ENAH: variants seen among roughly 807,000 people sequenced by gnomAD.
The protein encoded by ENAH is protein enabled homolog.
Under a neutral mutation model 78.7 loss-of-function variants are expected in ENAH, and 23 were observed. The observed-to-expected ratio is 0.29, with a 90% CI of 0.21 to 0.41. The LOEUF (loss-of-function observed/expected upper bound fraction) is 0.41, where lower values mean the gene tolerates loss of function less well. Ranked by LOEUF, ENAH falls within the 10% of genes least tolerant of loss-of-function variation. The pLI is 1.00. For missense variants in ENAH, 544 were observed against 691.0 expected, an observed-to-expected ratio of 0.79 and a Z score of 2.39; for synonymous variants, 226 against 241.0, an observed-to-expected ratio of 0.94 and a Z score of 0.58.
intron 6 of ENAH, 63 bp from the exon 7 acceptor site, chr1:225,514,963 G>T: frequency 7.4e-7 from 1 of 1,351,782 alleles, no homozygotes; most frequent in Non-Finnish European, 1.0e-6. Context: ...TATTTTATGT[G>T]GGAAGGTACG....
intron 11 of ENAH, among the ~76,000 whole-genome samples, chr1:225,507,156 A>G (rs997697998): frequency 8.5e-5 from 13 of 152,174 alleles, no homozygotes; most frequent in African/African-American, 2.9e-4. Flanking sequence ...ACTTGTAGAA[A>G]CAAGTATTAA....
At position 225,617,067 on chromosome 1, in the gene ENAH, C is replaced by A. The variant is rs571891656; in HGVS notation, c.5+35619G>T. 4.0e-4 allele frequency among the ~76,000 whole-genome samples: 60 copies of A among 151,746 alleles called. No homozygotes were observed. In the South Asian group the frequency reaches 0.012, roughly 31 times the overall value. ...TGAGCCAAGATCATGCCACTGCACTCCAGCCGGGGCAACACAGCAAGGCTC... is the reference window on the plus strand; with the variant it reads ...TGAGCCAAGATCATGCCACTGCACTACAGCCGGGGCAACACAGCAAGGCTC... On this transcript the variant is annotated intron_variant, in intron 1 of 13. Coordinates refer to ENST00000366843, the MANE Select transcript of ENAH (RefSeq NM_018212.6).
At chr1:225,609,473 G>A (rs1178205960) in intron 1 of ENAH, among the ~76,000 whole-genome samples, 1 of 151,992 alleles carries the variant, frequency 6.6e-6, no homozygotes, top group African/African-American at 2.4e-5. Flanking sequence ...GTGGGGAGGA[G>A]AATGTAAAAC....
intron 4 of ENAH, among the ~76,000 whole-genome samples, chr1:225,521,917 TCC>T (rs1270362943): frequency 6.6e-6 from 1 of 151,994 alleles, no homozygotes; most frequent in African/African-American, 2.4e-5. Context: ...TGCCTCAGCC[TCC>T]CGAGTAGCTG....
intron 1 of ENAH, among the ~76,000 whole-genome samples, chr1:225,598,897 T>C (rs2147979275): frequency 1.3e-5 from 2 of 151,098 alleles, no homozygotes; most frequent in East Asian, 3.9e-4. Context: ...TTAGGGAGTG[T>C]TAGTTATTCA....
intron 1 of ENAH, among the ~76,000 whole-genome samples, chr1:225,632,626 A>G (rs1021067649): frequency 1.3e-5 from 2 of 152,234 alleles, no homozygotes; most frequent in African/African-American, 4.8e-5. Flanking sequence ...AGCACATTAT[A>G]TTTGCAAGCT....
At chr1:225,653,699 G>T (rs1052469345), upstream of ENAH, among the ~76,000 whole-genome samples, 1 of 152,192 alleles carries the variant, frequency 6.6e-6, no homozygotes, top group Non-Finnish European at 1.5e-5. The surrounding 1 kb of genome is among the most constrained non-coding windows in gnomAD (Gnocchi z 4.3). Context: ...CGGGGCGAGT[G>T]CTCAGCCCGC....
chr1:225,649,397 TAA>T (rs563257956), intron 1 of ENAH, among the ~76,000 whole-genome samples: 33 of 142,538 alleles, frequency 2.3e-4, no homozygotes, highest in South Asian at 4.4e-4. Flanking sequence ...CTCTTTCAGT[TAA>T]AAAAAAAAAA....
intron 1 of ENAH, among the ~76,000 whole-genome samples, chr1:225,588,180 GAAGA>G (rs1168440375): frequency 6.6e-6 from 1 of 152,062 alleles, no homozygotes; most frequent in Non-Finnish European, 1.5e-5. Flanking sequence ...GCTGTTACAG[GAAGA>G]AAGAGAGGGA....
At chr1:225,535,335 G>A (rs1414266313) in intron 3 of ENAH, among the ~76,000 whole-genome samples, 3 of 152,120 alleles carry the variant, frequency 2.0e-5, no homozygotes, top group Non-Finnish European at 2.9e-5. Flanking sequence ...ACTCAAAGCT[G>A]ACCAAATCAC....
chr1:225,535,921 G>A (rs1469892516), intron 3 of ENAH, among the ~76,000 whole-genome samples: 1 of 152,004 alleles, frequency 6.6e-6, no homozygotes, highest in Non-Finnish European at 1.5e-5. Flanking sequence ...CAAGATCTGT[G>A]GCTATTAGTG....
At chr1:225,541,416 C>T (rs1195455257) in intron 3 of ENAH, among the ~76,000 whole-genome samples, 1 of 151,698 alleles carries the variant, frequency 6.6e-6, no homozygotes, top group African/African-American at 2.4e-5. Flanking sequence ...GCCCGGGCGA[C>T]AGAGTGAGAC....
At chr1:225,519,132 T>TA in intron 5 of ENAH, 66 bp downstream of exon 5, 1 of 1,560,586 alleles carries the variant, frequency 6.4e-7, no homozygotes, top group Non-Finnish European at 8.7e-7. Context: ...TTTTAACACA[T>TA]GACTGCACAA....
rs139773212 is a variant in ENAH at position 225,512,916 on chromosome 1, C to A, written c.1319G>T (p.Gly440Val). ...CATTTCTTCCATTAAACCACTACCC[C>A]CTAAAGGAAGGGGTCCATTTCCACG... is the stretch of plus-strand genomic sequence containing the variant. ...TGRGNGPLPL[G>V]GSGLMEEMSA... The change falls in exon 8 of 14, where the codon GGG becomes GTG. Residue 440 changes from glycine (G) to valine (V), a missense_variant. By Grantham distance (109) the Gly-to-Val change is moderately radical (BLOSUM62 -3). Around this residue, in one of 4 missense-constraint regions of ENAH, gnomAD observed 366 missense variants for 396.1 expected, o/e 0.92. Transcript: ENST00000366843. 1.1e-5 allele frequency: 17 copies of A among 1,613,906 alleles called. No homozygotes were observed. Among genetic ancestry groups the A allele is most frequent in the Admixed American group, 1.7e-5 (1 of 59,996 alleles).
intron 7 of ENAH, 47 bp downstream of exon 7, chr1:225,514,549 T>C: frequency 7.9e-7 from 1 of 1,270,114 alleles, no homozygotes; most frequent in Non-Finnish European, 1.1e-6. Context: ...TTTAGATATT[T>C]AGGAAGAATA....
chr1:225,625,034 C>T (rs931484372), intron 1 of ENAH, among the ~76,000 whole-genome samples: 22 of 151,990 alleles, frequency 1.4e-4, no homozygotes, highest in African/African-American at 5.1e-4. Context: ...GTCAGATGTT[C>T]GGAATTCCAG....
chr1:225,510,432 C>T (rs902707153), intron 10 of ENAH, among the ~76,000 whole-genome samples: 4 of 152,064 alleles, frequency 2.6e-5, no homozygotes, highest in Admixed American at 2.6e-4. Context: ...GGATTTACAA[C>T]ATCTATGCGG....
At chr1:225,582,883 T>A (rs1467774735) in intron 1 of ENAH, among the ~76,000 whole-genome samples, 1 of 152,120 alleles carries the variant, frequency 6.6e-6, no homozygotes, top group Non-Finnish European at 1.5e-5. Flanking sequence ...GCAAAGCATA[T>A]TCAATCTAAA....
chr1:225,644,659 T>G (rs981716912), intron 1 of ENAH, among the ~76,000 whole-genome samples: 1 of 152,124 alleles, frequency 6.6e-6, no homozygotes, highest in Non-Finnish European at 1.5e-5. Flanking sequence ...CGCTGCCAAG[T>G]TGCAAATGTA....
Sources: gnomAD v4.1 joint callset for allele counts (sites outside exome capture counted in the v4.1 genomes callset) on GRCh38, gnomAD v4.1.1 for gene constraint, gnomAD v4.1.1 regional missense constraint, Gnocchi (gnomAD v3.1) non-coding constraint, MANE v1.5 for transcripts, NCBI Gene and HGNC (gene_info 2026-07-23, HGNC 2026-07-21) for gene names.